FOXP1: variants seen among roughly 807,000 people sequenced by gnomAD.
The protein encoded by FOXP1 is forkhead box P1.
Under a neutral mutation model 98.2 loss-of-function variants are expected in FOXP1, and 15 were observed. The ratio of observed to expected loss-of-function variants is 0.15; its 90% confidence interval spans 0.10 to 0.24. The LOEUF (loss-of-function observed/expected upper bound fraction) is 0.24. FOXP1 is among the 10% of genes least tolerant of loss of function. The probability of loss-of-function intolerance (pLI) is 1.00; values close to 1 mark genes in which losing one functional copy is unlikely to be tolerated. For synonymous variants in FOXP1, 371 were observed against 314.5 expected (o/e 1.18, Z -1.90); for missense variants, 633 against 848.5 (o/e 0.75, Z 3.15).
At chr3:71,316,220 A>C (rs17655524) in intron 4 of FOXP1, among the ~76,000 whole-genome samples, 21,656 of 152,122 alleles carry the variant, frequency 0.14, 1,743 homozygotes, top group Non-Finnish European at 0.19. Context: ...AAATGCTGAA[A>C]TACTTGTGTA....
intron 3 of FOXP1, among the ~76,000 whole-genome samples, chr3:71,490,471 C>T (rs1186153701): frequency 6.6e-6 from 1 of 151,468 alleles, no homozygotes. Context: ...GCATTCCAGC[C>T]TGGGTGACAA....
At chr3:71,281,141 A>T (rs1161913912) in intron 5 of FOXP1, among the ~76,000 whole-genome samples, 1 of 151,606 alleles carries the variant, frequency 6.6e-6, no homozygotes, top group African/African-American at 2.4e-5. Context: ...AGGTGAGAGG[A>T]TCACCTGAGC....
intron 6 of FOXP1, chr3:71,130,578 G>A: frequency 6.3e-7 from 1 of 1,598,414 alleles, no homozygotes; most frequent in East Asian, 2.2e-5. Context: ...ATGGGTTCTG[G>A]CTGTTTCTGC....
At chr3:71,186,740 A>C (rs1295065921) in intron 6 of FOXP1, among the ~76,000 whole-genome samples, 1 of 152,232 alleles carries the variant, frequency 6.6e-6, no homozygotes, top group South Asian at 2.1e-4. Flanking sequence ...AAATATATAT[A>C]GTATAAATAA....
At chr3:71,359,553 C>A (rs956209724) in intron 3 of FOXP1, among the ~76,000 whole-genome samples, 3 of 152,106 alleles carry the variant, frequency 2.0e-5, no homozygotes, top group Admixed American at 2.0e-4. Context: ...ATTTCTATTT[C>A]TTTTCTTTTT....
chr3:71,364,020 C>G (rs907244244), intron 3 of FOXP1, among the ~76,000 whole-genome samples: 2 of 152,174 alleles, frequency 1.3e-5, no homozygotes, highest in African/African-American at 4.8e-5. Context: ...TCCAGTCCCC[C>G]TCAACCAGCA....
At chr3:71,570,074 G>A (rs1461935087) in intron 2 of FOXP1, among the ~76,000 whole-genome samples, 3 of 152,044 alleles carry the variant, frequency 2.0e-5, no homozygotes, top group East Asian at 1.9e-4. Flanking sequence ...GGACAAAGGC[G>A]TGGCTCAGCT....
intron 5 of FOXP1, among the ~76,000 whole-genome samples, chr3:71,237,599 T>C (rs937238083): frequency 6.6e-6 from 1 of 152,202 alleles, no homozygotes; most frequent in Non-Finnish European, 1.5e-5. Flanking sequence ...TGCAGAGCTA[T>C]GGAGCCAAGG....
chr3:70,958,678 T>C lies in FOXP1; in HGVS notation c.*569A>G, dbSNP rs2032449178. The C allele has an allele frequency of 5.2e-6, 1 of 194,032 alleles. No individual in the cohort carries two copies. Among genetic ancestry groups the C allele is most frequent in the Non-Finnish European group, 9.9e-6 (1 of 101,012 alleles). 12.0% of individuals were successfully genotyped at this position (194,032 alleles called of 1,614,324 possible). A position where few individuals can be genotyped will look rare whatever the true frequency, so the allele number is the denominator to read the frequency against. On this transcript the variant is annotated 3_prime_UTR_variant, in exon 21 of 21. Transcript: ENST00000649528. ...AATACATTAAAAAGTTTGGGATAATTATTTTTTAACCCCTCCCCCCAATAC... is the reference window on the plus strand; with the variant it reads ...AATACATTAAAAAGTTTGGGATAATCATTTTTTAACCCCTCCCCCCAATAC...
intron 2 of FOXP1, among the ~76,000 whole-genome samples, chr3:71,534,694 C>G (rs1220970710): frequency 6.6e-6 from 1 of 152,170 alleles, no homozygotes; most frequent in Non-Finnish European, 1.5e-5. Flanking sequence ...GTTGAGAAAT[C>G]TGCATTTCAA....
intron 3 of FOXP1, among the ~76,000 whole-genome samples, chr3:71,402,836 G>A (rs1028168137): frequency 6.6e-6 from 1 of 152,212 alleles, no homozygotes; most frequent in African/African-American, 2.4e-5. Context: ...AAGCAAATAG[G>A]ACAAGCTGCT....
At chr3:71,090,298 C>T (rs916411658) in intron 7 of FOXP1, among the ~76,000 whole-genome samples, 3 of 152,196 alleles carry the variant, frequency 2.0e-5, no homozygotes, top group African/African-American at 7.2e-5. Flanking sequence ...CAGTACCTCC[C>T]TGTTTGTAAC....
intron 3 of FOXP1, among the ~76,000 whole-genome samples, chr3:71,483,187 T>C (rs1010284727): frequency 6.6e-6 from 1 of 152,132 alleles, no homozygotes; most frequent in Admixed American, 6.5e-5. Flanking sequence ...TGTCTTCCCT[T>C]TTCATTTCAC....
intron 3 of FOXP1, among the ~76,000 whole-genome samples, chr3:71,391,541 G>A (rs996928463): frequency 2.0e-5 from 3 of 152,140 alleles, no homozygotes; most frequent in Admixed American, 6.5e-5. Flanking sequence ...TCGGTCTTTC[G>A]CTTGTGCGGG....
intron 2 of FOXP1, among the ~76,000 whole-genome samples, chr3:71,527,403 T>C (rs1343660482): frequency 6.6e-6 from 1 of 152,236 alleles, no homozygotes; most frequent in African/African-American, 2.4e-5. Context: ...GGTCCTGTGA[T>C]GAGATCTGCT....
chr3:71,245,977 T>G (rs987457563), intron 5 of FOXP1, among the ~76,000 whole-genome samples: 1 of 145,686 alleles, frequency 6.9e-6, no homozygotes, highest in Non-Finnish European at 1.5e-5. Flanking sequence ...TTTCTTGCCA[T>G]GATCACTTAG....
Position 70,958,840 on chromosome 3 carries a change from G to C in FOXP1, c.*407C>G. ...GTCCATTGGAATCCTTAAATTCTGG[G>C]CAAAGGCTTGGTCTGCAGCTTAGGT... On this transcript the variant is annotated 3_prime_UTR_variant, in exon 21 of 21. Transcript: ENST00000649528. 2 of 367,154 alleles carry C rather than the reference G, an allele frequency of 5.4e-6. No homozygotes were observed. The highest frequency in any genetic ancestry group is 6.9e-5 in the South Asian group (2 of 28,924). 22.7% of individuals were successfully genotyped at this position (367,154 alleles called of 1,614,324 possible).
intron 2 of FOXP1, among the ~76,000 whole-genome samples, chr3:71,566,413 T>C (rs1412091321): frequency 6.6e-6 from 1 of 152,180 alleles, no homozygotes; most frequent in Admixed American, 6.6e-5. Context: ...GGAAAAATAA[T>C]ACAGACAGAC....
At chr3:71,251,179 C>T (rs1213905542) in intron 5 of FOXP1, among the ~76,000 whole-genome samples, 1 of 152,162 alleles carries the variant, frequency 6.6e-6, no homozygotes, top group Non-Finnish European at 1.5e-5. Context: ...AATGTACTTG[C>T]TACTCTCTTT....
Sources: allele counts gnomAD v4.1 joint callset (sites outside exome capture counted in the v4.1 genomes callset), GRCh38; gene constraint gnomAD v4.1.1; transcripts MANE v1.5; gene names NCBI Gene and HGNC (gene_info 2026-07-23, HGNC 2026-07-21).